The following CACNG6 variants were observed in gnomAD, a reference collection of about 807,000 sequenced individuals.
The protein encoded by CACNG6 is calcium voltage-gated channel auxiliary subunit gamma 6, also known as voltage-dependent calcium channel gamma-6 subunit.
In CACNG6, 21 loss-of-function variants were observed where a neutral mutation model predicts 23.9. That is an observed-to-expected ratio of 0.88 (90% CI 0.62 to 1.26). The LOEUF is 1.26. Ranked by LOEUF, CACNG6 falls within the 50% of genes most tolerant of loss-of-function variation. The probability of loss-of-function intolerance (pLI) is 0.00; values close to 1 mark genes in which losing one functional copy is unlikely to be tolerated. For synonymous variants in CACNG6, 182 were observed against 168.9 expected (o/e 1.08, Z -0.60); for missense variants, 340 against 352.9 (o/e 0.96, Z 0.29).
intron 3 of CACNG6, among the ~76,000 whole-genome samples, chr19:54,004,466 C>T (rs956693752): frequency 5.3e-5 from 8 of 151,682 alleles, no homozygotes; most frequent in African/African-American, 1.9e-4. Flanking sequence ...GATCTGCCCG[C>T]CTCAGCCTCC....
At chr19:54,000,636 T>A (rs1362101260) in intron 3 of CACNG6, among the ~76,000 whole-genome samples, 2 of 152,142 alleles carry the variant, frequency 1.3e-5, no homozygotes, top group Non-Finnish European at 2.9e-5. Flanking sequence ...TGGAGTGTAA[T>A]GGCATGATCT....
At chr19:53,996,367 G>T (rs2069520584) in intron 1 of CACNG6, among the ~76,000 whole-genome samples, 1 of 149,060 alleles carries the variant, frequency 6.7e-6, no homozygotes, top group East Asian at 2.0e-4. Flanking sequence ...TCCTTTTTCT[G>T]TCTTTCTTAA....
intron 3 of CACNG6, among the ~76,000 whole-genome samples, chr19:54,002,415 G>A (rs546955888): frequency 1.1e-3 from 160 of 148,006 alleles, no homozygotes; most frequent in African/African-American, 3.9e-3. Context: ...CACCAAGCCC[G>A]GCCCCTCTCT....
Position 54,012,198 on chromosome 19 carries a change from G to T in CACNG6, c.*9G>T, listed in dbSNP as rs1165518320. 1.6e-6 allele frequency: 2 copies of T among 1,233,602 alleles called. No individual in the cohort carries two copies. Among genetic ancestry groups the T allele is most frequent in the East Asian group, 2.7e-5 (1 of 36,546 alleles). The allele number at this position is 1,233,602 out of a possible 1,614,324, so 76.4% of individuals were successfully genotyped here. On this transcript the variant is annotated 3_prime_UTR_variant, in exon 4 of 4. Coordinates refer to ENST00000252729, the MANE Select transcript of CACNG6 (RefSeq NM_145814.2). ...GGCACCGGGCCACCTAGAGCCACGC[G>T]TGAGACTTCTCTAAGCAACCACCGA...
In CACNG6 at chr19:54,011,190, T is replaced by TAAAAAAAAA. The variant is rs142489178; in HGVS notation, c.545-753_545-745dup. Reference sequence around the variant, plus strand: ...CAACATGGTGAAACCCCGTCTCTACTAAAAAAAAAAAAAAAATATATATAT... The same window carrying TAAAAAAAAA: ...CAACATGGTGAAACCCCGTCTCTACTAAAAAAAAAAAAAAAAAAAAAAAAATATATATAT... On this transcript the variant is annotated intron_variant, in intron 3 of 3. Coordinates refer to ENST00000252729, the MANE Select transcript of CACNG6 (RefSeq NM_145814.2). Among the ~76,000 whole-genome samples the TAAAAAAAAA allele has an allele frequency of 1.7e-4, 10 of 59,204 alleles. 1 individual carries two copies. The highest frequency in any genetic ancestry group is 7.7e-4 in the African/African-American group (8 of 10,454). The allele number at this position is 59,204 out of a possible 152,430, so 38.8% of individuals were successfully genotyped here.
intron 3 of CACNG6, among the ~76,000 whole-genome samples, chr19:54,002,991 TAA>T (rs1480448479): frequency 6.6e-6 from 1 of 152,174 alleles, no homozygotes; most frequent in Non-Finnish European, 1.5e-5. Context: ...AGAAATGAGA[TAA>T]AGAGACATTA....
intron 3 of CACNG6, among the ~76,000 whole-genome samples, chr19:54,011,398 T>C (rs385406): frequency 0.32 from 41,177 of 127,094 alleles, 7,185 homozygotes; most frequent in Middle Eastern, 0.5. Flanking sequence ...ACCACTGCAC[T>C]CCAGCCTGGG....
At chr19:54,006,128 A>AT (rs1443444356) in intron 3 of CACNG6, among the ~76,000 whole-genome samples, 23 of 151,736 alleles carry the variant, frequency 1.5e-4, no homozygotes, top group Non-Finnish European at 2.8e-4. Context: ...ATAAAATAAG[A>AT]AAGAAAGAAG....
intron 3 of CACNG6, among the ~76,000 whole-genome samples, chr19:54,003,018 T>TATACATTC (rs1243740514): frequency 6.6e-6 from 1 of 152,158 alleles, no homozygotes; most frequent in Non-Finnish European, 1.5e-5. Flanking sequence ...TACAAATCAA[T>TATACATTC]ATACATTCAT....
intron 1 of CACNG6, among the ~76,000 whole-genome samples, chr19:53,995,597 C>T (rs931322209): frequency 6.6e-6 from 1 of 152,192 alleles, no homozygotes; most frequent in Non-Finnish European, 1.5e-5. Context: ...GGATGTAGAC[C>T]GTGTTTCCCG....
In CACNG6 at chr19:54,006,147, C is replaced by T. The variant is rs573127989; in HGVS notation, c.545-5804C>T. On this transcript the variant is annotated intron_variant, in intron 3 of 3. Transcript: ENST00000252729. ...AATAAGAAAGAAAGAAGACTCATTT[C>T]TAGCTGGGACTTTACCTGCTTTATT... Among the ~76,000 whole-genome samples, 49 of 126,792 alleles carry T rather than the reference C, an allele frequency of 3.9e-4. 3 individuals carry two copies. In the South Asian group the frequency reaches 0.011, roughly 30 times the overall value. The allele number at this position is 126,792 out of a possible 152,430, so 83.2% of individuals were successfully genotyped here.
At chr19:54,001,656 G>C (rs1568814687) in intron 3 of CACNG6, among the ~76,000 whole-genome samples, 1 of 152,198 alleles carries the variant, frequency 6.6e-6, no homozygotes, top group Non-Finnish European at 1.5e-5. Flanking sequence ...CAGGGATTTA[G>C]AGAGGGCCTC....
At chr19:53,998,197 C>T (rs751131928) in intron 1 of CACNG6, 42 bp from the exon 2 acceptor site, 1 of 1,564,744 alleles carries the variant, frequency 6.4e-7, no homozygotes, top group Admixed American at 1.7e-5. Flanking sequence ...ACGCAAGGGA[C>T]CTCACATCCT....
intron 3 of CACNG6, among the ~76,000 whole-genome samples, chr19:54,011,227 T>TATACACACACAC (rs1442985544): frequency 4.2e-5 from 4 of 95,290 alleles, no homozygotes; most frequent in African/African-American, 2.3e-4. Flanking sequence ...TATATATATA[T>TATACACACACAC]ACACACACAC....
In CACNG6 at chr19:54,012,076, G is replaced by C. The variant is rs775091115; in HGVS notation, c.670G>C (p.Gly224Arg). ...TYEYSWSLGC[G>R]VGAGLILLLG... ...CGAGTACTCCTGGTCCCTGGGCTGCGGCGTGGGGGCCGGCCTGATCCTGCT... is the reference window on the plus strand; with the variant it reads ...CGAGTACTCCTGGTCCCTGGGCTGCCGCGTGGGGGCCGGCCTGATCCTGCT... Residue 224 changes from glycine to arginine, a missense_variant, in exon 4 of 4, where the codon GGC becomes CGC. Gly to Arg is a moderately radical substitution (Grantham distance 125). Transcript: ENST00000252729. The C allele has an allele frequency of 6.3e-7, 1 of 1,592,394 alleles. No individual in the cohort carries two copies. Among genetic ancestry groups the C allele is most frequent in the Non-Finnish European group, 8.5e-7 (1 of 1,170,854 alleles).
chr19:54,007,855 G>A (rs1020780763), intron 3 of CACNG6, among the ~76,000 whole-genome samples: 2 of 151,648 alleles, frequency 1.3e-5, no homozygotes, highest in Admixed American at 6.6e-5. Context: ...AGCTATGATC[G>A]CGCCACTGCA....
At chr19:53,994,842 T>C (rs7252826) in intron 1 of CACNG6, among the ~76,000 whole-genome samples, 3,800 of 152,286 alleles carry the variant, frequency 0.025, 168 homozygotes, top group African/African-American at 0.088. Flanking sequence ...CCCTTGATCA[T>C]TTTATTTCTG....
chr19:53,992,912 A>C lies in CACNG6; in HGVS notation c.35A>C (p.Asn12Thr). The change falls in exon 1 of 4, where the codon AAC (asparagine) becomes ACC (threonine). Residue 12 changes from asparagine to threonine, a missense_variant. By Grantham distance (65) the Asn-to-Thr change is moderately conservative. Transcript: ENST00000252729. This position sits in a 1 kb window ranked among gnomAD's most constrained non-coding sequence, Gnocchi z 4.1. ...TCCAACTTCTTCCTGCAAGAGGAGAACCGGCGGCGGGGGGCCGCGGGCCGG... is the reference window on the plus strand; with the variant it reads ...TCCAACTTCTTCCTGCAAGAGGAGACCCGGCGGCGGGGGGCCGCGGGCCGG... ...MWSNFFLQEENRRRGAAGRRR... is the reference protein window; with the variant it reads ...MWSNFFLQEETRRRGAAGRRR... The C allele has an allele frequency of 7.1e-7, 1 of 1,405,332 alleles. No individual in the cohort carries two copies. The highest frequency in any genetic ancestry group is 1.9e-5 in the South Asian group (1 of 52,342). The allele number at this position is 1,405,332 out of a possible 1,614,324, so 87.1% of individuals were successfully genotyped here.
chr19:53,994,568 T>G (rs1442648412), intron 1 of CACNG6, among the ~76,000 whole-genome samples: 1 of 152,168 alleles, frequency 6.6e-6, no homozygotes, highest in East Asian at 1.9e-4. Context: ...CAGAGCCCAT[T>G]TGGGCTGTCA....
Sources: gnomAD v4.1 joint callset for allele counts (sites outside exome capture counted in the v4.1 genomes callset) on GRCh38, gnomAD v4.1.1 for gene constraint, Gnocchi (gnomAD v3.1) non-coding constraint, MANE v1.5 for transcripts, NCBI Gene and HGNC (gene_info 2026-07-23, HGNC 2026-07-21) for gene names.